The following ENDOD1 variants were observed in gnomAD, a reference collection of about 807,000 sequenced individuals.
ENDOD1 encodes endonuclease domain containing 1.
A neutral mutation model predicts 6.5 loss-of-function variants in ENDOD1; 9 were observed. The observed-to-expected ratio is 1.39, with a 90% CI of 0.84 to 2.43. The LOEUF (loss-of-function observed/expected upper bound fraction) is 2.43, where lower values mean the gene tolerates loss of function less well. Among genes scored for constraint, ENDOD1 ranks in the 30% most tolerant of loss-of-function variants. The pLI is 0.00. For missense variants in ENDOD1, 648 were observed against 635.5 expected, an observed-to-expected ratio of 1.02 and a Z score of -0.21; for synonymous variants, 255 against 255.2, an observed-to-expected ratio of 1.00 and a Z score of 0.01.
chr11:95,129,101 T>A lies in ENDOD1; in HGVS notation c.1025T>A (p.Leu342His). Reference protein sequence around the residue: ...MGFIATPFIKLFQLIYYLVVA... With the variant: ...MGFIATPFIKHFQLIYYLVVA... ...TTCATTGCTACCCCATTCATCAAGC[T>A]TTTTCAATTAATTTATTACCTTGTG... Residue 342 changes from leucine to histidine, a missense_variant, in exon 2 of 2, where the codon CTT becomes CAT. By Grantham distance (99) the Leu-to-His change is moderately conservative. Coordinates refer to ENST00000278505, the MANE Select transcript of ENDOD1 (RefSeq NM_015036.3). 1.2e-6 allele frequency: 2 copies of A among 1,614,114 alleles called. No homozygotes were observed. Among genetic ancestry groups the A allele is most frequent in the Non-Finnish European group, 8.5e-7 (1 of 1,180,034 alleles).
chr11:95,108,628 G>A (rs1478574774), intron 1 of ENDOD1, among the ~76,000 whole-genome samples: 2 of 152,064 alleles, frequency 1.3e-5, no homozygotes, highest in African/African-American at 4.8e-5. Flanking sequence ...TGCCAAGCAC[G>A]GAAGATTTTT....
At position 95,090,046 on chromosome 11, in the gene ENDOD1, C is replaced by A. The variant is rs1310190281; in HGVS notation, c.119C>A (p.Ala40Asp). 6.2e-7 allele frequency: 1 copy of A among 1,601,430 alleles called. No individual in the cohort carries two copies. The highest frequency in any genetic ancestry group is 1.4e-5 in the African/African-American group (1 of 73,758). Reference protein sequence around the residue: ...GFGECDKFFYAGTPPAGLAAD... With the variant: ...GFGECDKFFYDGTPPAGLAAD... ...GGCGAATGTGACAAGTTCTTCTACG[C>A]CGGGACCCCGCCTGCGGGGCTGGCG... is the stretch of plus-strand genomic sequence containing the variant. The change falls in exon 1 of 2, where the codon GCC (alanine) becomes GAC (aspartate). Residue 40 changes from alanine (A) to aspartate (D), a missense_variant. Ala to Asp is a moderately radical substitution (Grantham distance 126). Coordinates refer to ENST00000278505, the MANE Select transcript of ENDOD1 (RefSeq NM_015036.3).
Position 95,131,814 on chromosome 11 carries a change from C to A in ENDOD1, c.*2235C>A, listed in dbSNP as rs988578987. On this transcript the variant is annotated 3_prime_UTR_variant, in exon 2 of 2. Transcript: ENST00000278505. ...AAGGAGCACAGCATCCAAACGGCTT[C>A]TTGAGAACCATTGGGGAATGTCTTT... is the stretch of plus-strand genomic sequence containing the variant. The A allele has an allele frequency of 5.3e-5, 8 of 152,262 alleles. No individual in the cohort carries two copies. The highest frequency in any genetic ancestry group is 1.9e-4 in the African/African-American group (8 of 41,466). 9.4% of individuals were successfully genotyped at this position (152,262 alleles called of 1,614,324 possible).
chr11:95,104,857 G>A (rs1229968240), intron 1 of ENDOD1, among the ~76,000 whole-genome samples: 1 of 152,120 alleles, frequency 6.6e-6, no homozygotes, highest in African/African-American at 2.4e-5. Context: ...GCTCAGCCTG[G>A]CTGCCAACCC....
At chr11:95,092,184 G>A (rs1178513598) in intron 1 of ENDOD1, among the ~76,000 whole-genome samples, 1 of 152,082 alleles carries the variant, frequency 6.6e-6, no homozygotes, top group Non-Finnish European at 1.5e-5. Flanking sequence ...CAAACATCAT[G>A]AGTGAGAAAG....
chr11:95,106,116 C>A (rs1485154158), intron 1 of ENDOD1, among the ~76,000 whole-genome samples: 3 of 152,188 alleles, frequency 2.0e-5, no homozygotes, highest in African/African-American at 7.2e-5. Flanking sequence ...TGATGTGATT[C>A]CTACAAGTCA....
intron 1 of ENDOD1, among the ~76,000 whole-genome samples, chr11:95,107,951 G>A (rs1859107269): frequency 6.6e-6 from 1 of 151,978 alleles, no homozygotes; most frequent in South Asian, 2.1e-4. Flanking sequence ...ACAGGCGTGA[G>A]CCACCGCGCC....
At chr11:95,107,480 A>G (rs1555111528) in intron 1 of ENDOD1, among the ~76,000 whole-genome samples, 1 of 152,170 alleles carries the variant, frequency 6.6e-6, no homozygotes, top group Non-Finnish European at 1.5e-5. Flanking sequence ...AGCCTTCTCA[A>G]TGTAAGGGAC....
At chr11:95,100,685 T>C (rs1859030188) in intron 1 of ENDOD1, among the ~76,000 whole-genome samples, 1 of 151,360 alleles carries the variant, frequency 6.6e-6, no homozygotes, top group Non-Finnish European at 1.5e-5. Context: ...TTTGTAGAGA[T>C]GGGGTTTTGC....
chr11:95,119,363 C>T (rs538834569), intron 1 of ENDOD1, among the ~76,000 whole-genome samples: 1 of 152,246 alleles, frequency 6.6e-6, no homozygotes, highest in African/African-American at 2.4e-5. Context: ...TATGCTGTAT[C>T]TGCTTTAGGG....
chr11:95,089,868 T>A lies in ENDOD1; in HGVS notation c.-60T>A. On this transcript the variant is annotated 5_prime_UTR_variant, in exon 1 of 2. Transcript: ENST00000278505. ...TGCGTAGTGCGCTCCCCGCCCAGCCTGCAGAGCTCGCGCCGCGGCAGCCCA... is the reference window on the plus strand; with the variant it reads ...TGCGTAGTGCGCTCCCCGCCCAGCCAGCAGAGCTCGCGCCGCGGCAGCCCA... 7.8e-7 allele frequency: 1 copy of A among 1,282,106 alleles called. No homozygotes were observed. The highest frequency in any genetic ancestry group is 9.9e-7 in the Non-Finnish European group (1 of 1,012,766). The allele number at this position is 1,282,106 out of a possible 1,614,324, so 79.4% of individuals were successfully genotyped here. A position where few individuals can be genotyped will look rare whatever the true frequency, so the allele number is the denominator to read the frequency against.
intron 1 of ENDOD1, among the ~76,000 whole-genome samples, chr11:95,104,996 GC>G (rs1859075856): frequency 6.6e-6 from 1 of 152,200 alleles, no homozygotes; most frequent in Non-Finnish European, 1.5e-5. Context: ...GTTGTGACTG[GC>G]ATGGAGGTGG....
At chr11:95,117,611 G>T (rs1555112599) in intron 1 of ENDOD1, among the ~76,000 whole-genome samples, 1 of 152,068 alleles carries the variant, frequency 6.6e-6, no homozygotes, top group Admixed American at 6.6e-5. Context: ...CATTTACATA[G>T]AATATCTTTT....
chr11:95,129,029 C>T lies in ENDOD1; in HGVS notation c.953C>T (p.Pro318Leu). The stretch of plus-strand genomic sequence containing the variant: ...AGCAAGAGGTCTACTCTGTTGCCTC[C>T]AGAGGCATCTGAGGGAAGTAGTAGC... ...TRSKRSTLLP[P>L]EASEGSSSFL... The change falls in exon 2 of 2, where the codon CCA becomes CTA. Residue 318 changes from proline (P) to leucine (L), a missense_variant. Physicochemically the swap from Pro to Leu is moderately conservative, Grantham distance 98 (BLOSUM62 -3). Coordinates refer to ENST00000278505, the MANE Select transcript of ENDOD1 (RefSeq NM_015036.3). 1 of 1,613,654 alleles carries T rather than the reference C, an allele frequency of 6.2e-7. No individual in the cohort carries two copies. The highest frequency in any genetic ancestry group is 8.5e-7 in the Non-Finnish European group (1 of 1,179,728).
intron 1 of ENDOD1, among the ~76,000 whole-genome samples, chr11:95,101,562 T>A (rs542188887): frequency 1.2e-4 from 18 of 151,822 alleles, no homozygotes; most frequent in African/African-American, 3.4e-4. Context: ...ATGGTGAAAA[T>A]TTTTTTTTAG....
At chr11:95,102,336 T>C (rs1287697706) in intron 1 of ENDOD1, among the ~76,000 whole-genome samples, 1 of 148,402 alleles carries the variant, frequency 6.7e-6, no homozygotes, top group East Asian at 2.0e-4. Context: ...ATTTATTACA[T>C]ATCATCGTGA....
intron 1 of ENDOD1, among the ~76,000 whole-genome samples, chr11:95,097,331 T>C (rs1339567125): frequency 6.6e-6 from 1 of 152,146 alleles, no homozygotes; most frequent in Admixed American, 6.5e-5. Context: ...AAGCCAATTA[T>C]GCAGGCATCT....
chr11:95,094,816 G>A (rs1858967505), intron 1 of ENDOD1, among the ~76,000 whole-genome samples: 1 of 152,188 alleles, frequency 6.6e-6, no homozygotes, highest in Admixed American at 6.5e-5. Context: ...CCTTAATTAA[G>A]AGACTTAATT....
At chr11:95,118,030 A>G (rs1052684464) in intron 1 of ENDOD1, among the ~76,000 whole-genome samples, 1 of 152,214 alleles carries the variant, frequency 6.6e-6, no homozygotes, top group Non-Finnish European at 1.5e-5. Flanking sequence ...ATAAACAAGC[A>G]AAAAGACAAC....
Sources: gnomAD v4.1 joint callset for allele counts (sites outside exome capture counted in the v4.1 genomes callset) on GRCh38, gnomAD v4.1.1 for gene constraint, MANE v1.5 for transcripts, NCBI Gene and HGNC (gene_info 2026-07-23, HGNC 2026-07-21) for gene names.